Variants in HNRNPUL1 observed in about 807,000 individuals in gnomAD.
HNRNPUL1 encodes the protein heterogeneous nuclear ribonucleoprotein U-like protein 1.
A neutral mutation model predicts 108.5 loss-of-function variants in HNRNPUL1; 14 were observed. The ratio of observed to expected loss-of-function variants is 0.13; its 90% CI spans 0.09 to 0.20. The LOEUF (loss-of-function observed/expected upper bound fraction) is 0.20, where lower values mean the gene tolerates loss of function less well. Ranked by LOEUF, HNRNPUL1 falls within the 10% of genes least tolerant of loss-of-function variation. The pLI, the probability that HNRNPUL1 is intolerant of heterozygous loss-of-function variation, is 1.00. For missense variants in HNRNPUL1, 804 were observed against 1,168.3 expected (o/e 0.69, Z 4.55); for synonymous variants, 422 against 445.2 (o/e 0.95, Z 0.66).
rs1363229621 is a variant in HNRNPUL1, at chr19:41,302,955, A to G, written c.1972+6A>G. The G allele has an allele frequency of 2.0e-6, 3 of 1,520,630 alleles. No homozygotes were observed. Among genetic ancestry groups the G allele is most frequent in the Non-Finnish European group, 2.6e-6 (3 of 1,136,416 alleles). 94.2% of individuals were successfully genotyped at this position (1,520,630 alleles called of 1,614,324 possible). A position where few individuals can be genotyped will look rare whatever the true frequency, so the allele number is the denominator to read the frequency against. ...AGGAGGCAACTACCGAGGAGGTGAG[A>G]CATCTCACACACAGCACTCTCCACT... is the stretch of plus-strand genomic sequence containing the variant. On this transcript the variant is annotated splice_donor_region_variant and intron_variant, in intron 12 of 14. Coordinates refer to ENST00000392006, the MANE Select transcript of HNRNPUL1 (RefSeq NM_007040.6).
intron 7 of HNRNPUL1, among the ~76,000 whole-genome samples, chr19:41,286,091 AAATT>A (rs1441320809): frequency 2.0e-5 from 3 of 152,152 alleles, no homozygotes; most frequent in Non-Finnish European, 4.4e-5. Context: ...GAAAAAAAAA[AAATT>A]AATAGCCTAC....
chr19:41,269,302 CA>C (rs752142463), intron 2 of HNRNPUL1, among the ~76,000 whole-genome samples: 1 of 151,096 alleles, frequency 6.6e-6, no homozygotes, highest in Non-Finnish European at 1.5e-5. Flanking sequence ...CCCTTCTCTA[CA>C]AAAAATTTAA....
At chr19:41,278,793 C>T (rs1315314919) in intron 5 of HNRNPUL1, among the ~76,000 whole-genome samples, 1 of 152,120 alleles carries the variant, frequency 6.6e-6, no homozygotes, top group Non-Finnish European at 1.5e-5. Context: ...TCTAAAGACA[C>T]TGTAACAGTT....
At chr19:41,301,143 A>G (rs1278327402) in intron 10 of HNRNPUL1, among the ~76,000 whole-genome samples, 2 of 152,226 alleles carry the variant, frequency 1.3e-5, no homozygotes, top group African/African-American at 2.4e-5. Context: ...CTCTCTGGGA[A>G]GTAGGGCTGG....
At position 41,292,259 on chromosome 19, in the gene HNRNPUL1, AAAT is replaced by A. The variant is rs1357388028; in HGVS notation, c.1015_1017del (p.Asn339del). Reference sequence around the variant, plus strand: ...TTTTCTCCTAGGATTTTGAATGTGGAAATGACGTGGAACTGTCTTTTACCAAGA... The same window carrying A: ...TTTTCTCCTAGGATTTTGAATGTGGAGACGTGGAACTGTCTTTTACCAAGA... On this transcript the variant is annotated inframe_deletion, in exon 8 of 15. Coordinates refer to ENST00000392006, the MANE Select transcript of HNRNPUL1 (RefSeq NM_007040.6). The surrounding 1 kb of genome is among the most constrained non-coding windows in gnomAD (Gnocchi z 4.1). 1.2e-6 allele frequency: 2 copies of A among 1,613,864 alleles called. No homozygotes were observed. The highest frequency in any genetic ancestry group is 1.3e-5 in the African/African-American group (1 of 74,916).
In HNRNPUL1 at chr19:41,294,100, A is replaced by G. The variant is rs557806341; in HGVS notation, c.1267-238A>G. On this transcript the variant is annotated intron_variant, in intron 8 of 14. Coordinates refer to ENST00000392006, the MANE Select transcript of HNRNPUL1 (RefSeq NM_007040.6). The surrounding 1 kb of genome is among the most constrained non-coding windows in gnomAD (Gnocchi z 4.3). Reference sequence around the variant, plus strand: ...AGTCCTGGGATTATAGGCGTGAGCTACCGTGCCTGGCCAGCACTTGACTTA... The same window carrying G: ...AGTCCTGGGATTATAGGCGTGAGCTGCCGTGCCTGGCCAGCACTTGACTTA... Among the ~76,000 whole-genome samples the G allele has an allele frequency of 6.6e-6, 1 of 152,166 alleles. No homozygotes were observed. The highest frequency in any genetic ancestry group is 1.9e-4 in the East Asian group (1 of 5,180).
At chr19:41,276,537 C>G (rs1203048575) in intron 5 of HNRNPUL1, 2 of 419,368 alleles carry the variant, frequency 4.8e-6, no homozygotes, top group African/African-American at 4.1e-5. Context: ...TGAGATTTGA[C>G]CCAGGTATTA....
chr19:41,300,340 A>G (rs1362679857), intron 10 of HNRNPUL1, among the ~76,000 whole-genome samples: 1 of 149,394 alleles, frequency 6.7e-6, no homozygotes, highest in African/African-American at 2.5e-5. Context: ...TTTTTGGTCC[A>G]TTTGTATATA....
chr19:41,284,584 A>G (rs148881264), intron 7 of HNRNPUL1, among the ~76,000 whole-genome samples: 52 of 152,210 alleles, frequency 3.4e-4, no homozygotes, highest in Non-Finnish European at 6.9e-4. Context: ...GCTTGAGCCC[A>G]GGAGGCTGCA....
At chr19:41,298,697 G>C (rs2037027955) in intron 10 of HNRNPUL1, 1 of 152,208 alleles carries the variant, frequency 6.6e-6, no homozygotes, top group Non-Finnish European at 1.5e-5. Context: ...CCATCTCTGA[G>C]TCTACCCACT....
intron 11 of HNRNPUL1, chr19:41,302,286 T>C: frequency 3.1e-6 from 1 of 318,708 alleles, no homozygotes; most frequent in Non-Finnish European, 6.2e-6. Flanking sequence ...TGGTGCGATC[T>C]TGGCTCACCG....
chr19:41,264,609 G>A lies in HNRNPUL1; in HGVS notation c.106G>A (p.Ala36Thr), dbSNP rs763428674. ...KAELAERLQA[A>T]LEAEEPDDER... ...CGAGCTTGCTGAGCGGCTGCAGGCG[G>A]CGTTGGAGGCCGAGGAGCCTGACGA... The change falls in exon 1 of 15, where the codon GCG becomes ACG. Residue 36 changes from alanine to threonine, a missense_variant. By Grantham distance (58) the Ala-to-Thr change is moderately conservative (BLOSUM62 0). Around this residue, in one of 4 missense-constraint regions of HNRNPUL1, gnomAD observed 256 missense variants for 261.6 expected, o/e 0.98. Transcript: ENST00000392006. 3 of 1,580,164 alleles carry A rather than the reference G, an allele frequency of 1.9e-6. No homozygotes were observed. In the South Asian group the frequency reaches 3.4e-5, roughly 18 times the overall value.
chr19:41,303,820 A>G lies in HNRNPUL1; in HGVS notation c.1973-152A>G. ...GACAGGGGAGTATGCCCGGGGGTCT[A>G]GAGAATCCCAGAGGACATGCTTTGT... On this transcript the variant is annotated intron_variant, in intron 12 of 14. Transcript: ENST00000392006. 6.5e-6 allele frequency: 6 copies of G among 922,088 alleles called. No individual in the cohort carries two copies. In the South Asian group the frequency reaches 1.0e-4, roughly 15 times the overall value. The allele number at this position is 922,088 out of a possible 1,614,324, so 57.1% of individuals were successfully genotyped here.
Position 41,302,800 on chromosome 19 carries a change from G to T in HNRNPUL1, c.1823G>T (p.Arg608Leu), listed in dbSNP as rs777002894. The T allele has an allele frequency of 8.1e-6, 13 of 1,609,876 alleles. No homozygotes were observed. Among genetic ancestry groups the T allele is most frequent in the Non-Finnish European group, 1.1e-5 (13 of 1,176,804 alleles). The change falls in exon 12 of 15, where the codon CGC becomes CTC. Residue 608 changes from arginine to leucine, a missense_variant. Physicochemically the swap from Arg to Leu is moderately radical, Grantham distance 102 (BLOSUM62 -2). Coordinates refer to ENST00000392006, the MANE Select transcript of HNRNPUL1 (RefSeq NM_007040.6). ...AAGGCTGGGCCACCCCCTGAAAAGC[G>T]CTTTGACAACCGAGGTGGTGGTGGC... ...GRKAGPPPEK[R>L]FDNRGGGGFR...
chr19:41,306,277 C>T (rs1055292695), intron 14 of HNRNPUL1, among the ~76,000 whole-genome samples, 172 bp from the exon 15 acceptor site: 1 of 152,228 alleles, frequency 6.6e-6, no homozygotes, highest in African/African-American at 2.4e-5. Context: ...CCCTAACTGC[C>T]TACCTGTGTG....
chr19:41,291,289 C>G (rs978293930), intron 7 of HNRNPUL1, among the ~76,000 whole-genome samples: 1 of 152,126 alleles, frequency 6.6e-6, no homozygotes, highest in African/African-American at 2.4e-5. Context: ...ATAGAGTGTC[C>G]TTGTCTCATT....
At chr19:41,268,100 T>C in intron 1 of HNRNPUL1, 123 bp from the exon 2 acceptor site, 1 of 918,054 alleles carries the variant, frequency 1.1e-6, no homozygotes, top group Non-Finnish European at 1.6e-6. Flanking sequence ...CATGAATAGT[T>C]AATATTATTA....
chr19:41,305,732 C>CCCACCG lies in HNRNPUL1; in HGVS notation c.2322_2327dup (p.Pro781_Pro782dup). ...GAGGTTACAGCCAGGGCTACACAGCCCCACCGCCTCCACCTCCACCACCAC... is the reference window on the plus strand; with the variant it reads ...GAGGTTACAGCCAGGGCTACACAGCCCCACCGCCACCGCCTCCACCTCCACCACCAC... On this transcript the variant is annotated inframe_insertion, in exon 14 of 15. Coordinates refer to ENST00000392006, the MANE Select transcript of HNRNPUL1 (RefSeq NM_007040.6). 6.2e-7 allele frequency: 1 copy of CCCACCG among 1,614,146 alleles called. No homozygotes were observed. Among genetic ancestry groups the CCCACCG allele is most frequent in the Non-Finnish European group, 8.5e-7 (1 of 1,180,010 alleles).
chr19:41,282,994 A>C (rs560840103), intron 7 of HNRNPUL1, among the ~76,000 whole-genome samples: 23 of 151,992 alleles, frequency 1.5e-4, no homozygotes, highest in African/African-American at 5.5e-4. Context: ...GCGCCCGGCC[A>C]TTTTTTTCAA....
Sources: gnomAD v4.1 joint callset for allele counts (sites outside exome capture counted in the v4.1 genomes callset) on GRCh38, gnomAD v4.1.1 for gene constraint, gnomAD v4.1.1 regional missense constraint, Gnocchi (gnomAD v3.1) non-coding constraint, MANE v1.5 for transcripts, NCBI Gene and HGNC (gene_info 2026-07-23, HGNC 2026-07-21) for gene names.